The following PCDH15 variants were observed in gnomAD, a reference collection of about 807,000 sequenced individuals.
PCDH15 encodes protocadherin related 15.
A neutral mutation model predicts 178.5 loss-of-function variants in PCDH15; 129 were observed. The observed-to-expected ratio is 0.72, with a 90% CI of 0.63 to 0.84. PCDH15 has a LOEUF of 0.84. Ranked by LOEUF, PCDH15 falls within the 40% of genes least tolerant of loss-of-function variation. The pLI, the probability that PCDH15 is intolerant of heterozygous loss-of-function variation, is 0.00. For missense variants in PCDH15, 2,230 were observed against 2,099.9 expected (o/e 1.06, Z -1.21); for synonymous variants, 800 against 732.0 (o/e 1.09, Z -1.50).
chr10:54,726,808 G>A (rs1193001795), intron 1 of PCDH15, among the ~76,000 whole-genome samples: 1 of 150,720 alleles, frequency 6.6e-6, no homozygotes, highest in Non-Finnish European at 1.5e-5. Flanking sequence ...AAATCTCAGA[G>A]CTCTAAGACT....
chr10:54,476,768 A>T (rs930825664), intron 3 of PCDH15, among the ~76,000 whole-genome samples: 1 of 152,086 alleles, frequency 6.6e-6, no homozygotes, highest in Non-Finnish European at 1.5e-5. Flanking sequence ...TTTTGTGGTC[A>T]TCTGTTATTC....
intron 11 of PCDH15, among the ~76,000 whole-genome samples, chr10:54,185,489 A>G (rs2048405949): frequency 1.3e-5 from 2 of 152,114 alleles, no homozygotes; most frequent in Admixed American, 1.3e-4. Context: ...AAATACAAAC[A>G]GGTATAATCA....
At chr10:54,961,955 G>A (rs1838667639) in intron 2 of PCDH15, among the ~76,000 whole-genome samples, 1 of 152,196 alleles carries the variant, frequency 6.6e-6, no homozygotes, top group Admixed American at 6.5e-5. Flanking sequence ...CACTCATTGG[G>A]ATGATATGCC....
intron 3 of PCDH15, among the ~76,000 whole-genome samples, chr10:54,461,511 T>G (rs1188062508): frequency 6.6e-6 from 1 of 152,178 alleles, no homozygotes; most frequent in Non-Finnish European, 1.5e-5. Flanking sequence ...GATTTATGAC[T>G]CTGTGCCTAT....
At position 55,077,206 on chromosome 10, in the gene PCDH15, T is replaced by C. The variant is rs187491101; in HGVS notation, c.-80+89370A>G. On this transcript the variant is annotated intron_variant, in intron 2 of 5. Transcript: ENST00000458638. Reference sequence around the variant, plus strand: ...ACTGTTTCTTGTAGGCAGCCTATAATTGTATCATTTTTAATCCATTCAGCT... The same window carrying C: ...ACTGTTTCTTGTAGGCAGCCTATAACTGTATCATTTTTAATCCATTCAGCT... Among the ~76,000 whole-genome samples the C allele has an allele frequency of 1.4e-3, 207 of 152,230 alleles. 2 individuals carry two copies. In the Middle Eastern group the frequency reaches 0.037, roughly 28 times the overall value.
chr10:54,766,939 A>C (rs1948584154), intron 1 of PCDH15, among the ~76,000 whole-genome samples: 1 of 148,912 alleles, frequency 6.7e-6, no homozygotes, highest in South Asian at 2.1e-4. Context: ...CAAAAAAACA[A>C]AAAAAAAAAT....
intron 2 of PCDH15, among the ~76,000 whole-genome samples, chr10:54,627,262 G>A (rs1263209808): frequency 1.3e-5 from 2 of 152,052 alleles, no homozygotes; most frequent in Non-Finnish European, 2.9e-5. Context: ...TTTGAAATGT[G>A]GAAATATGAG....
At chr10:55,589,685 T>C (rs952981995) in intron 2 of PCDH15, among the ~76,000 whole-genome samples, 33 of 151,862 alleles carry the variant, frequency 2.2e-4, no homozygotes, top group Admixed American at 2.0e-3. Context: ...AAGAAGACAT[T>C]TATGCAGCCA....
At chr10:53,968,213 C>A (rs12257204) in intron 21 of PCDH15, among the ~76,000 whole-genome samples, 2,053 of 152,308 alleles carry the variant, frequency 0.013, 45 homozygotes, top group African/African-American at 0.044. Flanking sequence ...TATCCCACGC[C>A]TGGCTCAGAG....
intron 3 of PCDH15, among the ~76,000 whole-genome samples, chr10:54,421,065 G>A (rs1350837856): frequency 2.0e-5 from 3 of 151,934 alleles, no homozygotes; most frequent in Admixed American, 1.3e-4. Context: ...ACCATTTTCA[G>A]TTACTTAATA....
intron 2 of PCDH15, among the ~76,000 whole-genome samples, chr10:55,160,075 T>C (rs1055404650): frequency 6.7e-6 from 1 of 149,406 alleles, no homozygotes; most frequent in African/African-American, 2.4e-5. Context: ...AAATAATTGT[T>C]GTCTCTGTTT....
At chr10:54,351,573 A>G (rs1169495377) in intron 5 of PCDH15, among the ~76,000 whole-genome samples, 1 of 152,170 alleles carries the variant, frequency 6.6e-6, no homozygotes. Flanking sequence ...ATATTTTAAT[A>G]TACTAAATCC....
intron 1 of PCDH15, among the ~76,000 whole-genome samples, chr10:55,202,024 C>T (rs1326884762): frequency 2.0e-5 from 3 of 152,032 alleles, no homozygotes; most frequent in Non-Finnish European, 4.4e-5. Context: ...TCACAGCTGT[C>T]ACTAGAGATT....
chr10:54,271,368 G>A (rs923042505), intron 8 of PCDH15, among the ~76,000 whole-genome samples: 2 of 151,896 alleles, frequency 1.3e-5, no homozygotes, highest in African/African-American at 4.8e-5. Context: ...GAGCCCCCAC[G>A]CCCGGCTAAT....
chr10:55,360,892 T>G (rs1845210977), intron 2 of PCDH15, among the ~76,000 whole-genome samples: 1 of 151,932 alleles, frequency 6.6e-6, no homozygotes, highest in African/African-American at 2.4e-5. Flanking sequence ...CATGAGAATG[T>G]TCATAGAATC....
chr10:55,147,209 G>T (rs868167284), intron 2 of PCDH15, among the ~76,000 whole-genome samples: 16 of 151,396 alleles, frequency 1.1e-4, no homozygotes, highest in Middle Eastern at 3.4e-3. Context: ...GTGGTCAATT[G>T]TACTTTCTGG....
At chr10:54,492,777 T>G (rs1392650175) in intron 3 of PCDH15, among the ~76,000 whole-genome samples, 2 of 152,164 alleles carry the variant, frequency 1.3e-5, no homozygotes, top group African/African-American at 4.8e-5. Flanking sequence ...TTAGGGTTGT[T>G]AATCTCTTAC....
At chr10:53,888,300 A>ATATGTGTATATGTATATATATACG (rs1554845153) in intron 26 of PCDH15, among the ~76,000 whole-genome samples, 7 of 82,018 alleles carry the variant, frequency 8.5e-5, no homozygotes, top group Admixed American at 6.7e-4. Context: ...ACATATATAT[A>ATATGTGTATATGTATATATATACG]TATATATATG....
At chr10:54,095,646 T>A (rs187753241) in intron 15 of PCDH15, among the ~76,000 whole-genome samples, 1 of 152,182 alleles carries the variant, frequency 6.6e-6, no homozygotes, top group African/African-American at 2.4e-5. Flanking sequence ...TAAGAAGGCA[T>A]AGCAGAATCA....
Sources: allele counts gnomAD v4.1 joint callset (sites outside exome capture counted in the v4.1 genomes callset), GRCh38; gene constraint gnomAD v4.1.1; transcripts MANE v1.5; gene names NCBI Gene and HGNC (gene_info 2026-07-23, HGNC 2026-07-21).